The following GNG12 variants were observed in gnomAD, a reference collection of about 807,000 sequenced individuals.
GNG12 encodes the protein G protein subunit gamma 12, also known as guanine nucleotide-binding protein G(I)/G(S)/G(O) subunit gamma-12.
For synonymous variants in GNG12, 28 were observed against 29.7 expected (o/e 0.94, Z 0.19); for missense variants, 69 against 83.8 (o/e 0.82, Z 0.69).
intron 2 of GNG12, among the ~76,000 whole-genome samples, chr1:67,776,876 T>C (rs377501594): frequency 6.6e-6 from 1 of 152,232 alleles, no homozygotes; most frequent in African/African-American, 2.4e-5. Context: ...AATAACTGTA[T>C]AGCCACAATA....
intron 1 of GNG12, among the ~76,000 whole-genome samples, chr1:67,826,800 T>C (rs1001321728): frequency 6.6e-6 from 1 of 152,166 alleles, no homozygotes; most frequent in Admixed American, 6.5e-5. Flanking sequence ...GTTTGAGTCT[T>C]CATTTGAGAA....
At chr1:67,776,265 A>C (rs1248808001) in intron 2 of GNG12, among the ~76,000 whole-genome samples, 2 of 152,138 alleles carry the variant, frequency 1.3e-5, no homozygotes, top group South Asian at 4.2e-4. Context: ...TAAGATGGGA[A>C]TCTAAGTCCT....
At chr1:67,824,509 CAAA>C (rs35736017) in intron 1 of GNG12, among the ~76,000 whole-genome samples, 3 of 94,158 alleles carry the variant, frequency 3.2e-5, no homozygotes, top group Non-Finnish European at 4.0e-5. Context: ...GATCCTGTCT[CAAA>C]AAAAAAAAAA....
At position 67,770,628 on chromosome 1, in the gene GNG12, G is replaced by C. The variant is rs181840309; in HGVS notation, c.-27+6830C>G. 3.9e-3 allele frequency among the ~76,000 whole-genome samples: 587 copies of C among 152,252 alleles called. 4 individuals carry two copies. Among genetic ancestry groups the C allele is most frequent in the African/African-American group, 0.013 (558 of 41,554 alleles). The stretch of plus-strand genomic sequence containing the variant: ...TGAGGGATGGCAACAGCAGCAGGAG[G>C]AGAGAACCACCCAAATCCCGGGGGG... On this transcript the variant is annotated intron_variant, in intron 2 of 3. Transcript: ENST00000370982.
intron 2 of GNG12, among the ~76,000 whole-genome samples, chr1:67,713,618 G>A (rs1186795666): frequency 1.3e-5 from 2 of 151,750 alleles, no homozygotes; most frequent in African/African-American, 4.8e-5. Flanking sequence ...CAACTTTCAT[G>A]AGCAAACACA....
intron 2 of GNG12, among the ~76,000 whole-genome samples, chr1:67,746,209 C>T (rs1646506541): frequency 6.6e-6 from 1 of 152,148 alleles, no homozygotes; most frequent in Non-Finnish European, 1.5e-5. Context: ...CTTTCTAAAG[C>T]TGAATACCAA....
At chr1:67,789,739 C>T (rs752574304) in intron 1 of GNG12, among the ~76,000 whole-genome samples, 2 of 152,166 alleles carry the variant, frequency 1.3e-5, no homozygotes, top group Admixed American at 6.5e-5. Context: ...AAACAAGAGC[C>T]GGAAGGGTTT....
chr1:67,766,098 G>GCACACACACACACACACA (rs1278948416), intron 2 of GNG12, among the ~76,000 whole-genome samples: 2 of 100,888 alleles, frequency 2.0e-5, no homozygotes, highest in African/African-American at 9.0e-5. Context: ...ACAAAACAAG[G>GCACACACACACACACACA]CACACACGCA....
intron 2 of GNG12, among the ~76,000 whole-genome samples, chr1:67,773,088 T>G (rs78343739): frequency 0.024 from 3,639 of 152,294 alleles, 96 homozygotes; most frequent in Non-Finnish European, 0.032. Flanking sequence ...CTAGTTTAAA[T>G]TATATTTCTG....
intron 1 of GNG12, among the ~76,000 whole-genome samples, chr1:67,830,324 AT>A (rs1258491559): frequency 6.6e-6 from 1 of 152,124 alleles, no homozygotes; most frequent in Non-Finnish European, 1.5e-5. Flanking sequence ...CATTTAAAAA[AT>A]TTTTTAGATT....
chr1:67,764,471 G>A (rs916442798), intron 2 of GNG12, among the ~76,000 whole-genome samples: 3 of 152,080 alleles, frequency 2.0e-5, no homozygotes, highest in African/African-American at 4.8e-5. Context: ...AAACTTCAGC[G>A]TATTATAATT....
intron 2 of GNG12, among the ~76,000 whole-genome samples, chr1:67,713,499 T>C (rs1025539376): frequency 6.6e-6 from 1 of 151,990 alleles, no homozygotes; most frequent in African/African-American, 2.4e-5. Context: ...AGGGTGGGGA[T>C]GGAAAGAGTG....
chr1:67,737,423 T>C (rs1342266461), intron 2 of GNG12, among the ~76,000 whole-genome samples: 1 of 152,224 alleles, frequency 6.6e-6, no homozygotes, highest in Non-Finnish European at 1.5e-5. Flanking sequence ...AACAGTCACA[T>C]GGATGGTAAG....
chr1:67,807,773 T>C (rs992021595), intron 1 of GNG12, among the ~76,000 whole-genome samples: 2 of 152,060 alleles, frequency 1.3e-5, no homozygotes, highest in African/African-American at 4.8e-5. Flanking sequence ...AGAAAACAGA[T>C]AATCTCAAAA....
chr1:67,816,615 G>A (rs1207501060), intron 1 of GNG12, among the ~76,000 whole-genome samples: 1 of 152,246 alleles, frequency 6.6e-6, no homozygotes, highest in South Asian at 2.1e-4. Flanking sequence ...GCCACTTACG[G>A]TGTGACTCCT....
intron 2 of GNG12, among the ~76,000 whole-genome samples, chr1:67,750,535 A>C (rs1337290757): frequency 6.6e-6 from 1 of 152,212 alleles, no homozygotes; most frequent in Non-Finnish European, 1.5e-5. Flanking sequence ...TTCACCCAGC[A>C]GTTACTCAAT....
intron 2 of GNG12, among the ~76,000 whole-genome samples, chr1:67,746,174 T>G (rs1386728800): frequency 6.6e-6 from 1 of 152,136 alleles, no homozygotes; most frequent in African/African-American, 2.4e-5. Context: ...AGTTGTTAAA[T>G]TAACATACTC....
chr1:67,831,673 A>C (rs1002801814), intron 1 of GNG12, among the ~76,000 whole-genome samples: 6 of 152,190 alleles, frequency 3.9e-5, no homozygotes, highest in African/African-American at 1.2e-4. Flanking sequence ...TTTTATCTGA[A>C]AGTCCTTTTA....
chr1:67,725,899 G>A (rs1646382146), intron 2 of GNG12, among the ~76,000 whole-genome samples: 1 of 152,010 alleles, frequency 6.6e-6, no homozygotes, highest in Non-Finnish European at 1.5e-5. Context: ...AACATATGTG[G>A]TTGAGTCAAA....
Sources: allele counts gnomAD v4.1 joint callset (sites outside exome capture counted in the v4.1 genomes callset), GRCh38; gene constraint gnomAD v4.1.1; transcripts MANE v1.5; gene names NCBI Gene and HGNC (gene_info 2026-07-23, HGNC 2026-07-21).